Variants in ARHGAP26 observed in about 807,000 individuals in gnomAD.
The protein encoded by ARHGAP26 is Rho GTPase activating protein 26, also known as rho GTPase-activating protein 26.
Under a neutral mutation model 104.8 loss-of-function variants are expected in ARHGAP26, and 38 were observed. The ratio of observed to expected loss-of-function variants is 0.36; its 90% CI spans 0.28 to 0.48. The LOEUF is 0.48. Among genes scored for constraint, ARHGAP26 ranks in the 20% least tolerant of loss-of-function variants. The pLI is 0.99. For missense variants in ARHGAP26, 704 were observed against 947.9 expected, an observed-to-expected ratio of 0.74 and a Z score of 3.38; for synonymous variants, 341 against 340.0, an observed-to-expected ratio of 1.00 and a Z score of -0.03.
intron 9 of ARHGAP26, among the ~76,000 whole-genome samples, chr5:142,912,510 C>A (rs1490267766): frequency 6.6e-6 from 1 of 152,158 alleles, no homozygotes; most frequent in Non-Finnish European, 1.5e-5. Flanking sequence ...ATGTATATGA[C>A]ATCAAAATCT....
intron 17 of ARHGAP26, among the ~76,000 whole-genome samples, chr5:143,070,905 C>G (rs556627313): frequency 6.6e-6 from 1 of 151,768 alleles, no homozygotes; most frequent in Admixed American, 6.6e-5. Flanking sequence ...GATCTTGACA[C>G]TATCGCAGAA....
intron 12 of ARHGAP26, among the ~76,000 whole-genome samples, chr5:143,027,179 T>G (rs1218167818): frequency 6.6e-6 from 1 of 150,898 alleles, no homozygotes; most frequent in Non-Finnish European, 1.5e-5. Context: ...TTTTGTGTTT[T>G]TTTTTTTTTT....
intron 1 of ARHGAP26, among the ~76,000 whole-genome samples, chr5:142,872,330 C>T (rs532038698): frequency 1.4e-4 from 21 of 152,244 alleles, no homozygotes; most frequent in Non-Finnish European, 2.9e-4. Context: ...AGCCACAGTA[C>T]ACCCCCCCAC....
At chr5:143,183,891 T>G (rs1004067200) in intron 20 of ARHGAP26, among the ~76,000 whole-genome samples, 7 of 152,202 alleles carry the variant, frequency 4.6e-5, no homozygotes, top group African/African-American at 1.7e-4. Context: ...GACTCCATTT[T>G]CTTAAGTTTC....
intron 1 of ARHGAP26, among the ~76,000 whole-genome samples, chr5:142,799,799 A>C (rs1761704067): frequency 6.6e-6 from 1 of 152,242 alleles, no homozygotes; most frequent in Non-Finnish European, 1.5e-5. Context: ...CCATGATTAC[A>C]GCATTGATTC....
At chr5:142,806,481 G>A (rs981732606) in intron 1 of ARHGAP26, among the ~76,000 whole-genome samples, 5 of 129,104 alleles carry the variant, frequency 3.9e-5, no homozygotes, top group Non-Finnish European at 7.7e-5. Flanking sequence ...AAATGTGTGT[G>A]TGTGTGTGTG....
At chr5:143,156,904 G>T (rs1026297862) in intron 20 of ARHGAP26, among the ~76,000 whole-genome samples, 2 of 152,246 alleles carry the variant, frequency 1.3e-5, no homozygotes, top group African/African-American at 2.4e-5. Context: ...TCGCAAATGC[G>T]TGCCTGTTGG....
At chr5:143,014,720 A>G (rs1004330203) in intron 12 of ARHGAP26, among the ~76,000 whole-genome samples, 11 of 152,174 alleles carry the variant, frequency 7.2e-5, no homozygotes, top group African/African-American at 2.7e-4. Context: ...CATGATTTCC[A>G]AGGGTACCTG....
At chr5:143,029,391 A>ATT (rs1781527533) in intron 12 of ARHGAP26, among the ~76,000 whole-genome samples, 2 of 96,782 alleles carry the variant, frequency 2.1e-5, no homozygotes, top group Non-Finnish European at 4.2e-5. Context: ...TTTACTTCTC[A>ATT]GTTTTTTTTT....
In ARHGAP26 at chr5:142,796,220, G is replaced by A. The variant is rs1039984780; in HGVS notation, c.154+25305G>A. 2.0e-5 allele frequency among the ~76,000 whole-genome samples: 3 copies of A among 152,108 alleles called. No individual in the cohort carries two copies. In the East Asian group the frequency reaches 5.8e-4, roughly 29 times the overall value. On this transcript the variant is annotated intron_variant, in intron 1 of 22. Transcript: ENST00000645722. ...ATATTTGTGGAATTAATGAATGAAT[G>A]CTTTGATTCTTATATTGGAATGTTT... is the stretch of plus-strand genomic sequence containing the variant.
At chr5:142,936,749 G>T (rs1171190194) in intron 11 of ARHGAP26, among the ~76,000 whole-genome samples, 1 of 151,734 alleles carries the variant, frequency 6.6e-6, no homozygotes, top group Non-Finnish European at 1.5e-5. Context: ...TTTTGACAGA[G>T]GTGCAAAAGC....
intron 12 of ARHGAP26, among the ~76,000 whole-genome samples, chr5:143,028,341 A>G (rs1369075827): frequency 1.3e-5 from 2 of 152,228 alleles, no homozygotes; most frequent in African/African-American, 4.8e-5. Context: ...TGGGAAAATC[A>G]AATAAACTAT....
intron 1 of ARHGAP26, among the ~76,000 whole-genome samples, chr5:142,809,022 G>A (rs374611454): frequency 1.3e-5 from 2 of 152,316 alleles, no homozygotes; most frequent in East Asian, 1.9e-4. Flanking sequence ...ATGGCTGGCT[G>A]TTCTGATTTT....
intron 1 of ARHGAP26, among the ~76,000 whole-genome samples, chr5:142,869,958 G>T (rs2097406109): frequency 6.6e-6 from 1 of 152,210 alleles, no homozygotes; most frequent in Non-Finnish European, 1.5e-5. Context: ...CTCACTCAGA[G>T]AAGCACAGCC....
At chr5:142,849,497 G>T (rs1270308470) in intron 1 of ARHGAP26, among the ~76,000 whole-genome samples, 1 of 152,168 alleles carries the variant, frequency 6.6e-6, no homozygotes, top group Non-Finnish European at 1.5e-5. Flanking sequence ...CATTGACAGT[G>T]TGCTCTCCAT....
intron 20 of ARHGAP26, among the ~76,000 whole-genome samples, chr5:143,200,748 G>A (rs907476473): frequency 6.6e-6 from 1 of 152,204 alleles, no homozygotes; most frequent in Non-Finnish European, 1.5e-5. Context: ...AATTTTGAAA[G>A]ATTAACTTTC....
At chr5:143,207,833 ATATT>A (rs1562612525) in intron 21 of ARHGAP26, among the ~76,000 whole-genome samples, 1 of 152,224 alleles carries the variant, frequency 6.6e-6, no homozygotes, top group Non-Finnish European at 1.5e-5. Flanking sequence ...GCGTCAGGCA[ATATT>A]TATTTGTGGG....
chr5:143,228,543 T>G lies in ARHGAP26; in HGVS notation c.*6097T>G, dbSNP rs575448001. ...CCCATGAATGCTTAGTAGCTAAGGC[T>G]AGTGTTCAAAAGCACTCTAAAAGAC... On this transcript the variant is annotated 3_prime_UTR_variant, in exon 23 of 23. Coordinates refer to ENST00000645722, the MANE Select transcript of ARHGAP26 (RefSeq NM_001135608.3). 1.8e-5 allele frequency: 4 copies of G among 220,940 alleles called. No homozygotes were observed. Among genetic ancestry groups the G allele is most frequent in the African/African-American group, 8.9e-5 (4 of 44,762 alleles). 13.7% of individuals were successfully genotyped at this position (220,940 alleles called of 1,614,324 possible). A position where few individuals can be genotyped will look rare whatever the true frequency, so the allele number is the denominator to read the frequency against.
At chr5:143,173,331 C>T (rs1803040099) in intron 20 of ARHGAP26, among the ~76,000 whole-genome samples, 2 of 152,144 alleles carry the variant, frequency 1.3e-5, no homozygotes, top group South Asian at 4.1e-4. Flanking sequence ...CCACTGCACC[C>T]GGCTCATGCT....
Sources: gnomAD v4.1 joint callset for allele counts (sites outside exome capture counted in the v4.1 genomes callset) on GRCh38, gnomAD v4.1.1 for gene constraint, MANE v1.5 for transcripts, NCBI Gene and HGNC (gene_info 2026-07-23, HGNC 2026-07-21) for gene names.